The following NOD1 variants were observed in gnomAD, a reference collection of about 807,000 sequenced individuals.
NOD1 encodes nucleotide-binding oligomerization domain-containing protein 1.
A neutral mutation model predicts 81.2 loss-of-function variants in NOD1; 70 were observed. That is an observed-to-expected ratio of 0.86 (90% CI 0.71 to 1.05). The LOEUF is 1.05. Among genes scored for constraint, NOD1 ranks in the 50% least tolerant of loss-of-function variants. The pLI is 0.00. For missense variants in NOD1, 1,233 were observed against 1,228.0 expected (o/e 1.00, Z -0.06); for synonymous variants, 508 against 526.9 (o/e 0.96, Z 0.49).
Position 30,451,380 on chromosome 7 carries a change from G to T in NOD1, c.2037C>A (p.Tyr679Ter), listed in dbSNP as rs1198497869. The T allele has an allele frequency of 6.2e-7, 1 of 1,614,208 alleles. No individual in the cohort carries two copies. Among genetic ancestry groups the T allele is most frequent in the South Asian group, 1.1e-5 (1 of 91,090 alleles). Residue 679 changes from tyrosine to a stop codon, truncating the protein, a stop_gained, in exon 6 of 14, where the codon TAC becomes TAA. Transcript: ENST00000222823. LOFTEE classifies it high-confidence loss of function. The surrounding 1 kb of genome is among the most constrained non-coding windows in gnomAD (Gnocchi z 4.2). ...AGGCGTTGCAGTAGGTCAGCTTGAG[G>T]TAGTTGGCGCAGATGCCCCTGGCCG... ...QLAARGICAN[Y>*]LKLTYCNACS...
chr7:30,455,948 G>A (rs534789351), intron 4 of NOD1, among the ~76,000 whole-genome samples: 2 of 152,208 alleles, frequency 1.3e-5, no homozygotes, highest in Non-Finnish European at 1.5e-5. Flanking sequence ...GCAGGAATGA[G>A]AGTGGAGAGG....
intron 7 of NOD1, 65 bp downstream of exon 7, chr7:30,448,233 G>A: frequency 7.7e-7 from 1 of 1,304,422 alleles, no homozygotes; most frequent in Non-Finnish European, 1.1e-6. Context: ...CTATGGGAAT[G>A]TGAATTCCCT....
intron 9 of NOD1, among the ~76,000 whole-genome samples, chr7:30,439,496 G>A (rs996693236): frequency 1.5e-5 from 2 of 133,354 alleles, no homozygotes; most frequent in African/African-American, 6.7e-5. Flanking sequence ...AGGGGTGACG[G>A]ACGCACCTGG....
At chr7:30,446,762 AC>A (rs1402267251) in intron 8 of NOD1, 13 of 550,900 alleles carry the variant, frequency 2.4e-5, no homozygotes, top group African/African-American at 2.3e-4. Context: ...CAAAATGCCA[AC>A]CTTTCCCCCT....
At chr7:30,428,967 G>A (rs533629062) in intron 13 of NOD1, among the ~76,000 whole-genome samples, 3 of 152,284 alleles carry the variant, frequency 2.0e-5, no homozygotes, top group Admixed American at 6.5e-5. Flanking sequence ...AATGTCTTAC[G>A]GAACCCAGAA....
rs747674983 is a variant in NOD1 at position 30,451,926 on chromosome 7, G to A, written c.1491C>T (p.Phe497=). The change falls in exon 6 of 14, where the codon TTC becomes TTT. Residue 497 remains phenylalanine (F), a synonymous_variant. Coordinates refer to ENST00000222823, the MANE Select transcript of NOD1 (RefSeq NM_006092.4). This position sits in a 1 kb window ranked among gnomAD's most constrained non-coding sequence, Gnocchi z 4.2. ...GLQERDMQLG[F]LRALPELGPG... is the part of the protein sequence containing the mutation. ...GGCCCAGCTCCGGCAAAGCCCGCAG[G>A]AAGCCCAGCTGCATGTCTCTCTCCT... The A allele has an allele frequency of 6.2e-7, 1 of 1,613,566 alleles. No individual in the cohort carries two copies. Among genetic ancestry groups the A allele is most frequent in the Non-Finnish European group, 8.5e-7 (1 of 1,179,974 alleles).
chr7:30,477,776 C>T (rs569005443), intron 1 of NOD1, among the ~76,000 whole-genome samples: 1 of 151,988 alleles, frequency 6.6e-6, no homozygotes, highest in East Asian at 1.9e-4. Context: ...CTGCCTTGGC[C>T]TCCCAAAGTG....
intron 6 of NOD1, among the ~76,000 whole-genome samples, chr7:30,450,343 A>C (rs1323373919): frequency 2.0e-5 from 3 of 152,134 alleles, no homozygotes; most frequent in Non-Finnish European, 4.4e-5. Context: ...CCTGCACCCC[A>C]TGTCCCCATG....
At chr7:30,436,703 A>T (rs1562660149) in intron 10 of NOD1, among the ~76,000 whole-genome samples, 1 of 152,190 alleles carries the variant, frequency 6.6e-6, no homozygotes, top group African/African-American at 2.4e-5. Context: ...TCTACCAGCA[A>T]GGGACATGCA....
At chr7:30,449,784 T>C (rs920248338) in intron 6 of NOD1, among the ~76,000 whole-genome samples, 1 of 152,234 alleles carries the variant, frequency 6.6e-6, no homozygotes, top group African/African-American at 2.4e-5. Context: ...TGGTTACCCA[T>C]ATCCTCTGCT....
intron 12 of NOD1, 135 bp from the exon 13 acceptor site, chr7:30,429,592 A>G: frequency 1.4e-6 from 1 of 718,630 alleles, no homozygotes; most frequent in Non-Finnish European, 2.5e-6. Flanking sequence ...GTGACTTTGT[A>G]TCTGGCTAAA....
chr7:30,430,073 C>T (rs1171045411), intron 12 of NOD1, among the ~76,000 whole-genome samples: 2 of 152,082 alleles, frequency 1.3e-5, no homozygotes, highest in Non-Finnish European at 2.9e-5. Context: ...TTGTAAGAAA[C>T]ACACCATGGG....
At chr7:30,429,622 C>T (rs1783770467) in intron 12 of NOD1, among the ~76,000 whole-genome samples, 165 bp from the exon 13 acceptor site, 1 of 152,188 alleles carries the variant, frequency 6.6e-6, no homozygotes, top group Admixed American at 6.5e-5. Flanking sequence ...GTAAGATCCA[C>T]TAGAGTAAAG....
chr7:30,477,787 C>A (rs1270232686), intron 1 of NOD1, among the ~76,000 whole-genome samples: 1 of 151,556 alleles, frequency 6.6e-6, no homozygotes, highest in Non-Finnish European at 1.5e-5. Context: ...TCCCAAAGTG[C>A]TGGGATTACA....
chr7:30,433,342 C>T (rs1048202773), intron 11 of NOD1, 163 bp from the exon 12 acceptor site: 6 of 604,402 alleles, frequency 9.9e-6, no homozygotes, highest in Non-Finnish European at 1.8e-5. Flanking sequence ...CCTGTCAGCC[C>T]CACAGAAGGT....
intron 1 of NOD1, among the ~76,000 whole-genome samples, chr7:30,476,880 A>G (rs1010471846): frequency 6.6e-6 from 1 of 152,180 alleles, no homozygotes; most frequent in Non-Finnish European, 1.5e-5. Flanking sequence ...TTTTATAGAC[A>G]TTCTCCCTCA....
intron 1 of NOD1, among the ~76,000 whole-genome samples, chr7:30,471,754 T>A (rs2128105664): frequency 6.6e-6 from 1 of 152,170 alleles, no homozygotes; most frequent in South Asian, 2.1e-4. Flanking sequence ...ATGCCCAACC[T>A]CCCTCCACTC....
intron 1 of NOD1, among the ~76,000 whole-genome samples, chr7:30,474,152 T>C (rs774205783): frequency 1.3e-5 from 2 of 152,182 alleles, no homozygotes; most frequent in Non-Finnish European, 2.9e-5. Context: ...TCAAGAAGAT[T>C]AAAAACCTTA....
At chr7:30,454,343 A>G (rs1437179683) in intron 5 of NOD1, among the ~76,000 whole-genome samples, 1 of 152,226 alleles carries the variant, frequency 6.6e-6, no homozygotes, top group African/African-American at 2.4e-5. Flanking sequence ...ATGTTCTCAC[A>G]TGCCTTGGAC....
Sources: allele counts gnomAD v4.1 joint callset (sites outside exome capture counted in the v4.1 genomes callset), GRCh38; gene constraint gnomAD v4.1.1; non-coding constraint Gnocchi (gnomAD v3.1); transcripts MANE v1.5; gene names NCBI Gene and HGNC (gene_info 2026-07-23, HGNC 2026-07-21).